Variants in CEP295 observed in about 807,000 individuals in gnomAD.
The protein encoded by CEP295 is centrosomal protein 295, also known as centrosomal protein of 295 kDa.
In CEP295, 190 loss-of-function variants were observed where a neutral mutation model predicts 291.6. That is an observed-to-expected ratio of 0.65 (90% CI 0.58 to 0.73). CEP295 has a LOEUF of 0.73. Ranked by LOEUF, CEP295 falls within the 30% of genes least tolerant of loss-of-function variation. CEP295 has a pLI of 0.00. For missense variants in CEP295, 2,863 were observed against 2,949.4 expected (o/e 0.97, Z 0.68); for synonymous variants, 993 against 1,038.8 (o/e 0.96, Z 0.85).
intron 11 of CEP295, 26 bp from the exon 12 acceptor site, chr11:93,691,901 A>T (rs201652721): frequency 9.1e-5 from 131 of 1,440,244 alleles, no homozygotes; most frequent in Middle Eastern, 7.0e-4. Context: ...TATTGAAACT[A>T]ATTTTTGTTT....
At chr11:93,664,676 C>G (rs531908613) in intron 1 of CEP295, among the ~76,000 whole-genome samples, 1 of 152,256 alleles carries the variant, frequency 6.6e-6, no homozygotes, top group East Asian at 1.9e-4. Flanking sequence ...TGTTTTCAGG[C>G]TATGGACATA....
rs1565179297 is a variant in CEP295, at chr11:93,697,051, C to G, written c.2139C>G (p.Phe713Leu). The change falls in exon 15 of 30, where the codon TTC becomes TTG. Residue 713 changes from phenylalanine to leucine, a missense_variant. This residue lies in a region of CEP295 where 2,295 missense variants were observed against 2,335.7 expected (regional missense o/e 0.98). Coordinates refer to ENST00000325212, the MANE Select transcript of CEP295 (RefSeq NM_033395.2). ...ALESQEHLRQ[F>L]SQTETQQRDY... ...AATCACAAGAACATCTAAGGCAATT[C>G]TCTCAGACTGAAACACAACAGAGAG... 2 of 1,551,574 alleles carry G rather than the reference C, an allele frequency of 1.3e-6. No individual in the cohort carries two copies. Among genetic ancestry groups the G allele is most frequent in the Non-Finnish European group, 1.7e-6 (2 of 1,146,978 alleles).
chr11:93,718,125 G>C (rs1953408716), intron 18 of CEP295, among the ~76,000 whole-genome samples: 1 of 152,178 alleles, frequency 6.6e-6, no homozygotes, highest in Non-Finnish European at 1.5e-5. Flanking sequence ...TGTCCAGACT[G>C]GTCTTGAACC....
At chr11:93,717,913 T>A (rs1953389519) in intron 18 of CEP295, among the ~76,000 whole-genome samples, 1 of 152,142 alleles carries the variant, frequency 6.6e-6, no homozygotes, top group Admixed American at 6.5e-5. Flanking sequence ...TGTTTCAAAT[T>A]TCTTTTATTC....
rs368506164 is a variant in CEP295, at chr11:93,727,003, A to G, written c.6527A>G (p.Gln2176Arg). 741 of 1,537,672 alleles carry G rather than the reference A, an allele frequency of 4.8e-4. 1 individual carries two copies. The highest frequency in any genetic ancestry group is 6.1e-4 in the Non-Finnish European group (699 of 1,142,020). Residue 2176 changes from glutamine (Q) to arginine (R), a missense_variant, in exon 24 of 30, where the codon CAG becomes CGG. Gln to Arg is a conservative substitution (Grantham distance 43). Coordinates refer to ENST00000325212, the MANE Select transcript of CEP295 (RefSeq NM_033395.2). ...GGSEQCFEQL[Q>R]PEYSSQEESQ... The stretch of plus-strand genomic sequence containing the variant: ...TCTGAACAATGTTTTGAACAGCTTC[A>G]GCCAGAATATTCTTCACAGGAGGAG...
intron 12 of CEP295, among the ~76,000 whole-genome samples, 158 bp downstream of exon 12, chr11:93,692,188 T>C (rs1400878755): frequency 6.6e-6 from 1 of 152,232 alleles, no homozygotes; most frequent in Admixed American, 6.5e-5. Flanking sequence ...ATGCGTGTTG[T>C]CTTTGCCCAT....
intron 19 of CEP295, 145 bp from the exon 20 acceptor site, chr11:93,721,809 A>G (rs764361032): frequency 1.4e-6 from 1 of 727,704 alleles, no homozygotes; most frequent in Non-Finnish European, 2.5e-6. Context: ...GCAATGATGA[A>G]AAGGTTTTAC....
chr11:93,699,621 A>C lies in CEP295; in HGVS notation c.4709A>C (p.Lys1570Thr). 6.4e-7 allele frequency: 1 copy of C among 1,551,800 alleles called. No homozygotes were observed. Among genetic ancestry groups the C allele is most frequent in the Non-Finnish European group, 8.7e-7 (1 of 1,147,074 alleles). The change falls in exon 15 of 30, where the codon AAA becomes ACA. Residue 1570 changes from lysine to threonine, a missense_variant. Around this residue, in one of 3 missense-constraint regions of CEP295, gnomAD observed 2,295 missense variants for 2,335.7 expected, o/e 0.98. Transcript: ENST00000325212. Reference sequence around the variant, plus strand: ...AGAACCCAGAAGTCTTTCCCAACCAAAAGTAATGATACTCTTCCCTCAAGT... The same window carrying C: ...AGAACCCAGAAGTCTTTCCCAACCACAAGTAATGATACTCTTCCCTCAAGT... ...SERTQKSFPT[K>T]SNDTLPSSHR... is the part of the protein sequence containing the mutation.
rs1951327698 is a variant in CEP295 at position 93,687,960 on chromosome 11, G to A, written c.1336+95G>A. ...AAAATCAAAGAATAGAGGTTAAAAG[G>A]AACAAAACATAATCCTGCTAATTAA... On this transcript the variant is annotated intron_variant, in intron 10 of 29. Transcript: ENST00000325212. 7 of 766,834 alleles carry A rather than the reference G, an allele frequency of 9.1e-6. No individual in the cohort carries two copies. The South Asian group carries it at 9.8e-5, about 11-fold the overall frequency. 47.5% of individuals were successfully genotyped at this position (766,834 alleles called of 1,614,324 possible).
chr11:93,721,768 T>G lies in CEP295; in HGVS notation c.5851-186T>G, dbSNP rs768290871. On this transcript the variant is annotated intron_variant, in intron 19 of 29. Coordinates refer to ENST00000325212, the MANE Select transcript of CEP295 (RefSeq NM_033395.2). The stretch of plus-strand genomic sequence containing the variant: ...GAGATTGAGGGTGGGGGGGTGCGTA[T>G]GTATGTCTATGAAAGCCTAATCATT... 6 of 734,784 alleles carry G rather than the reference T, an allele frequency of 8.2e-6. No individual in the cohort carries two copies. In the South Asian group the frequency reaches 8.5e-5, roughly 10 times the overall value. 45.5% of individuals were successfully genotyped at this position (734,784 alleles called of 1,614,324 possible).
chr11:93,703,656 A>T (rs1226574605), intron 17 of CEP295, among the ~76,000 whole-genome samples: 2 of 145,718 alleles, frequency 1.4e-5, no homozygotes, highest in African/African-American at 5.1e-5. Context: ...TTTTTATAGG[A>T]TTATTATGCT....
Position 93,671,046 on chromosome 11 carries a change from C to G in CEP295, c.528+1276C>G, listed in dbSNP as rs184031923. 5.0e-3 allele frequency among the ~76,000 whole-genome samples: 764 copies of G among 152,208 alleles called. 10 individuals carry two copies. The highest frequency in any genetic ancestry group is 0.017 in the African/African-American group (706 of 41,532). ...TATAGGCATCTGCCACCATGCCCCG[C>G]TAATTTTTCTGTTTTTAGTAGAGAC... On this transcript the variant is annotated intron_variant, in intron 5 of 29. Transcript: ENST00000325212.
At chr11:93,713,492 C>T (rs150853969) in intron 18 of CEP295, among the ~76,000 whole-genome samples, 2 of 152,296 alleles carry the variant, frequency 1.3e-5, no homozygotes, top group East Asian at 3.9e-4. Context: ...ATGCCACTCG[C>T]TCCTGGCCTG....
In CEP295 at chr11:93,730,249, C is replaced by G; in HGVS notation, c.7786C>G (p.Arg2596Gly). The G allele has an allele frequency of 6.4e-7, 1 of 1,550,650 alleles. No homozygotes were observed. The highest frequency in any genetic ancestry group is 8.7e-7 in the Non-Finnish European group (1 of 1,146,524). Reference protein sequence around the residue: ...EFHKKTLEKLRAKNTC With the variant: ...EFHKKTLEKLGAKNTC ...TCCACAGAAAACACTAGAGAAACTTCGAGCCAAAAATACATGCTGACTTTC... is the reference window on the plus strand; with the variant it reads ...TCCACAGAAAACACTAGAGAAACTTGGAGCCAAAAATACATGCTGACTTTC... The change falls in exon 30 of 30, where the codon CGA (arginine) becomes GGA (glycine). Residue 2596 changes from arginine to glycine, a missense_variant. Arg to Gly is a moderately radical substitution (Grantham distance 125). Transcript: ENST00000325212.
In CEP295 at chr11:93,679,563, T is replaced by C. The variant is rs7115621; in HGVS notation, c.765+11T>C. 2.2e-3 allele frequency: 3,449 copies of C among 1,549,840 alleles called. 77 individuals carry two copies. In the African/African-American group the frequency reaches 0.042, roughly 19 times the overall value. ...ATCCATTTGGCTCAAGTAAGACTTA[T>C]ATTCTACCCATGACCATTACTCATG... On this transcript the variant is annotated intron_variant, in intron 7 of 29. Transcript: ENST00000325212.
chr11:93,666,756 G>A lies in CEP295; in HGVS notation c.49G>A (p.Glu17Lys). 1 of 1,549,176 alleles carries A rather than the reference G, an allele frequency of 6.5e-7. No homozygotes were observed. Among genetic ancestry groups the A allele is most frequent in the Non-Finnish European group, 8.7e-7 (1 of 1,145,166 alleles). ...NTHKLRLSPN[E>K]EAFILKEDYE... is the part of the protein sequence containing the mutation. ...TCACAAGCTGAGATTGAGTCCTAAT[G>A]AGGAAGCCTTCATTTTGAAGGAAGA... Residue 17 changes from glutamate (E) to lysine (K), a missense_variant, in exon 2 of 30, where the codon GAG (glutamate) becomes AAG (lysine). Physicochemically the swap from Glu to Lys is moderately conservative, Grantham distance 56 (BLOSUM62 1). This residue lies in a region of CEP295 where 554 missense variants were observed against 576.0 expected (regional missense o/e 0.96). Transcript: ENST00000325212.
rs1954217751 is a variant in CEP295 at position 93,727,243 on chromosome 11, G to A, written c.6767G>A (p.Ser2256Asn). 2 of 1,551,610 alleles carry A rather than the reference G, an allele frequency of 1.3e-6. No homozygotes were observed. Among genetic ancestry groups the A allele is most frequent in the Non-Finnish European group, 1.7e-6 (2 of 1,146,976 alleles). The change falls in exon 24 of 30, where the codon AGC becomes AAC. Residue 2256 changes from serine (S) to asparagine (N), a missense_variant. Physicochemically the swap from Ser to Asn is conservative, Grantham distance 46. Transcript: ENST00000325212. Reference protein sequence around the residue: ...NVFDQLNVQHSTPCGSNSSEC... With the variant: ...NVFDQLNVQHNTPCGSNSSEC... ...TTTGATCAGTTAAATGTACAGCATA[G>A]CACTCCATGTGGTTCTAACTCTAGT...
At position 93,700,111 on chromosome 11, in the gene CEP295, A is replaced by G. The variant is rs1162385924; in HGVS notation, c.5199A>G (p.Val1733=). 5.8e-6 allele frequency: 9 copies of G among 1,551,688 alleles called. No homozygotes were observed. The highest frequency in any genetic ancestry group is 1.4e-5 in the African/African-American group (1 of 73,184). The change falls in exon 15 of 30, where the codon GTA becomes GTG. Residue 1733 remains valine (V), a synonymous_variant. Transcript: ENST00000325212. The part of the protein sequence containing the change: ...YSQKAQEKLL[V]QRQTALQQQI... ...AGAAAGCCCAGGAAAAATTGCTTGT[A>G]CAGAGACAAACAGCATTGCAGCAGC...
At chr11:93,715,423 A>G (rs643924) in intron 18 of CEP295, among the ~76,000 whole-genome samples, 137,224 of 152,072 alleles carry the variant, frequency 0.9, 63,065 homozygotes, top group Non-Finnish European at 0.99. Context: ...CAGAGATGCC[A>G]TCCAAGAGCC....
Sources: allele counts gnomAD v4.1 joint callset (sites outside exome capture counted in the v4.1 genomes callset), GRCh38; gene constraint gnomAD v4.1.1; regional missense constraint gnomAD v4.1.1; transcripts MANE v1.5; gene names NCBI Gene and HGNC (gene_info 2026-07-23, HGNC 2026-07-21).